Variants in PACRG observed in about 807,000 individuals in gnomAD.
The protein encoded by PACRG is parkin coregulated, also known as parkin coregulated gene protein.
In PACRG, 29 loss-of-function variants were observed where a neutral mutation model predicts 29.7. The ratio of observed to expected loss-of-function variants is 0.98; its 90% CI spans 0.73 to 1.33. PACRG has a LOEUF of 1.33. Among genes scored for constraint, PACRG ranks in the 40% most tolerant of loss-of-function variants. The probability of loss-of-function intolerance (pLI) is 0.00; values close to 1 mark genes in which losing one functional copy is unlikely to be tolerated. For synonymous variants in PACRG, 116 were observed against 118.7 expected, an observed-to-expected ratio of 0.98 and a Z score of 0.15; for missense variants, 279 against 316.2, an observed-to-expected ratio of 0.88 and a Z score of 0.89.
chr6:162,744,913 C>T (rs1780870376), intron 1 of PACRG, among the ~76,000 whole-genome samples: 2 of 151,872 alleles, frequency 1.3e-5, no homozygotes, highest in South Asian at 4.2e-4. Flanking sequence ...TTTTTTTAAC[C>T]ATATCACAGA....
intron 2 of PACRG, among the ~76,000 whole-genome samples, chr6:162,953,659 A>C (rs2128134830): frequency 6.6e-6 from 1 of 152,278 alleles, no homozygotes; most frequent in Admixed American, 6.5e-5. Context: ...CTTGACTGAC[A>C]GAGCTTGCTG....
At chr6:162,737,214 T>A (rs1487260495) in intron 1 of PACRG, among the ~76,000 whole-genome samples, 1 of 152,170 alleles carries the variant, frequency 6.6e-6, no homozygotes, top group Non-Finnish European at 1.5e-5. Context: ...GTCTACCTCC[T>A]CATCTGCCAG....
intron 2 of PACRG, among the ~76,000 whole-genome samples, chr6:162,877,888 C>T (rs1016754198): frequency 2.6e-5 from 4 of 152,152 alleles, no homozygotes; most frequent in African/African-American, 9.7e-5. Flanking sequence ...ATTATAGTTA[C>T]CAATGAACAA....
intron 4 of PACRG, among the ~76,000 whole-genome samples, chr6:163,244,134 C>T (rs79246461): frequency 6.6e-6 from 1 of 152,168 alleles, no homozygotes; most frequent in Non-Finnish European, 1.5e-5. Flanking sequence ...TCAAACAAAA[C>T]TGAGTGTCCT....
intron 4 of PACRG, among the ~76,000 whole-genome samples, chr6:163,260,774 A>C (rs1347228900): frequency 6.6e-6 from 1 of 152,082 alleles, no homozygotes; most frequent in Non-Finnish European, 1.5e-5. Context: ...CTGAATTTAA[A>C]ATACTTGCTA....
At chr6:163,206,979 G>A (rs769774237) in intron 4 of PACRG, among the ~76,000 whole-genome samples, 6 of 152,106 alleles carry the variant, frequency 3.9e-5, no homozygotes, top group Non-Finnish European at 7.4e-5. Flanking sequence ...TTATAAGTAT[G>A]TTCACTTTGC....
At chr6:162,960,055 G>A (rs56818843) in intron 2 of PACRG, among the ~76,000 whole-genome samples, 23,722 of 152,042 alleles carry the variant, frequency 0.16, 3,251 homozygotes, top group African/African-American at 0.36. Context: ...CCACAATGAG[G>A]TACCATCTCA....
intron 4 of PACRG, among the ~76,000 whole-genome samples, chr6:163,171,288 A>G (rs966165841): frequency 1.5e-4 from 23 of 152,230 alleles, no homozygotes; most frequent in Admixed American, 1.5e-3. Flanking sequence ...ATCACAGATC[A>G]AAGGGGGAAG....
At chr6:163,219,568 T>C (rs1336857462) in intron 4 of PACRG, among the ~76,000 whole-genome samples, 10 of 152,200 alleles carry the variant, frequency 6.6e-5, no homozygotes, top group African/African-American at 2.4e-4. Flanking sequence ...TGGTTTCTCA[T>C]TGAGCTGAGA....
intron 4 of PACRG, among the ~76,000 whole-genome samples, chr6:163,162,224 G>C (rs1010848974): frequency 1.3e-5 from 2 of 152,222 alleles, no homozygotes; most frequent in African/African-American, 2.4e-5. Flanking sequence ...AAAAAGGACG[G>C]TCCTGCTAGG....
At chr6:162,947,602 A>ATC (rs1278536244) in intron 2 of PACRG, among the ~76,000 whole-genome samples, 29 of 62,046 alleles carry the variant, frequency 4.7e-4, no homozygotes, top group Non-Finnish European at 2.2e-4. Flanking sequence ...AATCATATAT[A>ATC]TATATAATCA....
chr6:162,957,179 C>A, intron 2 of PACRG: 2 of 296,832 alleles, frequency 6.7e-6, no homozygotes, highest in South Asian at 8.4e-5. Flanking sequence ...TCAGGGTCCT[C>A]ACCTGGAGAA....
intron 4 of PACRG, among the ~76,000 whole-genome samples, chr6:163,279,437 T>C (rs960797347): frequency 6.6e-6 from 1 of 152,226 alleles, no homozygotes; most frequent in African/African-American, 2.4e-5. Context: ...TTTTTCTAAT[T>C]TCTAGTATCT....
intron 4 of PACRG, among the ~76,000 whole-genome samples, chr6:163,137,456 G>A (rs574983204): frequency 6.6e-6 from 1 of 152,246 alleles, no homozygotes; most frequent in Non-Finnish European, 1.5e-5. Flanking sequence ...AGGCAGTGCT[G>A]AACAAACCCA....
chr6:163,029,697 G>A (rs548014536), intron 2 of PACRG, among the ~76,000 whole-genome samples: 4 of 152,104 alleles, frequency 2.6e-5, no homozygotes, highest in Non-Finnish European at 5.9e-5. Flanking sequence ...TGTGATTCCT[G>A]GAGCCCCTGC....
At chr6:162,864,430 C>T (rs978189291) in intron 2 of PACRG, among the ~76,000 whole-genome samples, 1 of 152,096 alleles carries the variant, frequency 6.6e-6, no homozygotes, top group African/African-American at 2.4e-5. Context: ...TAGGTGCTCA[C>T]ACATAGCACC....
Position 162,981,119 on chromosome 6 carries a change from G to A in PACRG, c.292-81031G>A, listed in dbSNP as rs372085405. 7.9e-5 allele frequency among the ~76,000 whole-genome samples: 12 copies of A among 151,954 alleles called. No homozygotes were observed. The South Asian group carries it at 2.5e-3, about 32-fold the overall frequency. On this transcript the variant is annotated intron_variant, in intron 2 of 4. Coordinates refer to ENST00000366888, the MANE Select transcript of PACRG (RefSeq NM_001080379.2). ...TCCTCATAGCTTGACTCCCACTTAT[G>A]AGTGATAACATACGATGTTTGGTTT...
intron 2 of PACRG, among the ~76,000 whole-genome samples, chr6:163,057,448 C>T (rs1336912614): frequency 6.6e-6 from 1 of 152,104 alleles, no homozygotes; most frequent in Non-Finnish European, 1.5e-5. Flanking sequence ...CAGAGTCTCA[C>T]TCTGTCACCC....
At chr6:163,051,638 T>C (rs1043319254) in intron 2 of PACRG, 1 of 152,156 alleles carries the variant, frequency 6.6e-6, no homozygotes, top group Non-Finnish European at 1.5e-5. Flanking sequence ...GCCCTTCAAG[T>C]GTCCTGGTTG....
Sources: gnomAD v4.1 joint callset for allele counts (sites outside exome capture counted in the v4.1 genomes callset) on GRCh38, gnomAD v4.1.1 for gene constraint, MANE v1.5 for transcripts, NCBI Gene and HGNC (gene_info 2026-07-23, HGNC 2026-07-21) for gene names.